The following FCHSD2 variants were observed in gnomAD, a reference collection of about 807,000 sequenced individuals.
The protein encoded by FCHSD2 is F-BAR and double SH3 domains protein 2.
Under a neutral mutation model 108.1 loss-of-function variants are expected in FCHSD2, and 38 were observed. That is an observed-to-expected ratio of 0.35 (90% CI 0.27 to 0.46). FCHSD2 has a LOEUF of 0.46. FCHSD2 is among the 20% of genes least tolerant of loss of function. The pLI is 1.00. For missense variants in FCHSD2, 751 were observed against 897.8 expected (o/e 0.84, Z 2.09); for synonymous variants, 279 against 314.7 (o/e 0.89, Z 1.20).
intron 12 of FCHSD2, among the ~76,000 whole-genome samples, chr11:72,874,093 T>TA (rs370494051): frequency 6.6e-6 from 1 of 151,944 alleles, no homozygotes; most frequent in African/African-American, 2.4e-5. Flanking sequence ...TTTTCTCAAA[T>TA]AAAAAAAAAT....
intron 5 of FCHSD2, among the ~76,000 whole-genome samples, chr11:72,992,514 A>G (rs1857436669): frequency 6.6e-6 from 1 of 152,192 alleles, no homozygotes; most frequent in Non-Finnish European, 1.5e-5. Context: ...ACTATACTAC[A>G]AGGCTACGGT....
chr11:72,855,031 T>C (rs1490714595), intron 13 of FCHSD2, among the ~76,000 whole-genome samples: 1 of 152,112 alleles, frequency 6.6e-6, no homozygotes, highest in Non-Finnish European at 1.5e-5. Context: ...CCCTGCACTT[T>C]GGGAGGCCGA....
chr11:72,846,055 G>A (rs934627378), intron 14 of FCHSD2, among the ~76,000 whole-genome samples: 4 of 1,412 alleles, frequency 2.8e-3, no homozygotes, highest in Admixed American at 0.013. Context: ...CAAATAAATA[G>A]ATAGATAGAT....
chr11:73,032,882 T>C (rs1277251625), intron 3 of FCHSD2, among the ~76,000 whole-genome samples: 1 of 152,198 alleles, frequency 6.6e-6, no homozygotes, highest in Non-Finnish European at 1.5e-5. Flanking sequence ...GATTTATGTT[T>C]GGACTACCTT....
intron 13 of FCHSD2, among the ~76,000 whole-genome samples, chr11:72,854,307 G>A (rs1382935299): frequency 6.6e-6 from 1 of 152,148 alleles, no homozygotes; most frequent in Non-Finnish European, 1.5e-5. Context: ...ATTCACAAAA[G>A]GTAGAAGCAA....
At chr11:73,083,368 G>T (rs1199929393) in intron 3 of FCHSD2, among the ~76,000 whole-genome samples, 1 of 152,074 alleles carries the variant, frequency 6.6e-6, no homozygotes. Context: ...GGCCAACATG[G>T]TGAAACCCTG....
At chr11:72,966,359 C>T (rs1321513295) in intron 8 of FCHSD2, among the ~76,000 whole-genome samples, 3 of 152,074 alleles carry the variant, frequency 2.0e-5, no homozygotes, top group Non-Finnish European at 4.4e-5. Context: ...AGGGTTTCGT[C>T]ATGTTGGCCA....
chr11:73,053,796 A>G (rs1429877441), intron 3 of FCHSD2, among the ~76,000 whole-genome samples: 3 of 152,206 alleles, frequency 2.0e-5, no homozygotes, highest in Non-Finnish European at 2.9e-5. Context: ...GCGATTCTCT[A>G]TATTAATAGA....
chr11:73,012,977 C>T (rs1857893245), intron 4 of FCHSD2, among the ~76,000 whole-genome samples: 1 of 152,128 alleles, frequency 6.6e-6, no homozygotes, highest in Admixed American at 6.6e-5. Flanking sequence ...GAATTAAATT[C>T]CTGCCATTCT....
chr11:72,880,123 C>T (rs563670251), intron 12 of FCHSD2, among the ~76,000 whole-genome samples: 5 of 151,104 alleles, frequency 3.3e-5, no homozygotes, highest in Non-Finnish European at 7.4e-5. Context: ...AAAACCCCAA[C>T]CCCAGGAATA....
chr11:72,873,761 G>T (rs1302169394), intron 12 of FCHSD2, among the ~76,000 whole-genome samples: 2 of 152,240 alleles, frequency 1.3e-5, no homozygotes, highest in East Asian at 3.9e-4. Context: ...GTAAAGTGGG[G>T]TTGTTAAGAT....
At chr11:72,883,416 A>G (rs1410256901) in intron 12 of FCHSD2, among the ~76,000 whole-genome samples, 1 of 152,254 alleles carries the variant, frequency 6.6e-6, no homozygotes, top group Admixed American at 6.5e-5. Context: ...CTAAAAAATG[A>G]CTAGTATCCA....
At position 72,917,405 on chromosome 11, in the gene FCHSD2, A is replaced by G. The variant is rs544753757; in HGVS notation, c.828+4423T>C. On this transcript the variant is annotated intron_variant, in intron 9 of 19. Coordinates refer to ENST00000409418, the MANE Select transcript of FCHSD2 (RefSeq NM_014824.3). ...GCAAATCAATTGACCATAGATGTTCAGGTTTATTTCTGAACTCTCAATTCT... is the reference window on the plus strand; with the variant it reads ...GCAAATCAATTGACCATAGATGTTCGGGTTTATTTCTGAACTCTCAATTCT... Among the ~76,000 whole-genome samples, 177 of 152,332 alleles carry G rather than the reference A, an allele frequency of 1.2e-3. 1 individual carries two copies. The highest frequency in any genetic ancestry group is 4.1e-3 in the African/African-American group (170 of 41,570).
chr11:73,133,613 T>C (rs755468163), intron 2 of FCHSD2, among the ~76,000 whole-genome samples: 1 of 151,984 alleles, frequency 6.6e-6, no homozygotes, highest in Non-Finnish European at 1.5e-5. Context: ...GGCTTTGAGA[T>C]GGCAAAACCC....
intron 2 of FCHSD2, among the ~76,000 whole-genome samples, chr11:73,108,523 G>A (rs1201426235): frequency 6.6e-6 from 1 of 151,726 alleles, no homozygotes; most frequent in Non-Finnish European, 1.5e-5. Flanking sequence ...TCTTTTAGCA[G>A]TTTCATAGAT....
At chr11:72,992,040 G>A (rs1323241704) in intron 5 of FCHSD2, among the ~76,000 whole-genome samples, 3 of 152,182 alleles carry the variant, frequency 2.0e-5, no homozygotes, top group Admixed American at 1.3e-4. Context: ...ATCTCCTTAA[G>A]CTGATAGGCA....
At chr11:73,126,815 A>T (rs1860870154) in intron 2 of FCHSD2, among the ~76,000 whole-genome samples, 1 of 152,166 alleles carries the variant, frequency 6.6e-6, no homozygotes, top group Non-Finnish European at 1.5e-5. Context: ...AGGCAGGTGG[A>T]TCACTTGAGG....
chr11:73,040,808 T>C (rs1858617507), intron 3 of FCHSD2, among the ~76,000 whole-genome samples: 1 of 152,200 alleles, frequency 6.6e-6, no homozygotes, highest in Admixed American at 6.5e-5. Context: ...TGCTATAAAA[T>C]ACTAAAACGT....
At chr11:72,927,647 A>G (rs1375234455) in intron 8 of FCHSD2, among the ~76,000 whole-genome samples, 2 of 152,146 alleles carry the variant, frequency 1.3e-5, no homozygotes, top group African/African-American at 4.8e-5. Flanking sequence ...AAGAGTCTGC[A>G]TTTTCTAACA....
Sources: allele counts gnomAD v4.1 joint callset (sites outside exome capture counted in the v4.1 genomes callset), GRCh38; gene constraint gnomAD v4.1.1; transcripts MANE v1.5; gene names NCBI Gene and HGNC (gene_info 2026-07-23, HGNC 2026-07-21).